The following CAMK1D variants were observed in gnomAD, a reference collection of about 807,000 sequenced individuals.
CAMK1D encodes the protein calcium/calmodulin-dependent protein kinase type 1D.
In CAMK1D, 9 loss-of-function variants were observed where a neutral mutation model predicts 47.7. That is an observed-to-expected ratio of 0.19 (90% confidence interval 0.11 to 0.33). The LOEUF is 0.33. CAMK1D is among the 10% of genes least tolerant of loss of function. The probability of loss-of-function intolerance (pLI) is 1.00; values close to 1 mark genes in which losing one functional copy is unlikely to be tolerated. For synonymous variants in CAMK1D, 184 were observed against 184.9 expected, an observed-to-expected ratio of 0.99 and a Z score of 0.04; for missense variants, 291 against 488.7, an observed-to-expected ratio of 0.60 and a Z score of 3.81.
chr10:12,416,664 A>G (rs1174206504), intron 1 of CAMK1D, among the ~76,000 whole-genome samples: 4 of 152,168 alleles, frequency 2.6e-5, no homozygotes, highest in Non-Finnish European at 4.4e-5. Context: ...GGTCTTGCTG[A>G]GCACCGGAGG....
intron 10 of CAMK1D, among the ~76,000 whole-genome samples, chr10:12,827,714 T>G (rs1390823736): frequency 5.4e-5 from 8 of 147,504 alleles, no homozygotes. Flanking sequence ...TCTCTCTTTC[T>G]CTCACTCTCT....
At chr10:12,581,594 A>G (rs1275391006) in intron 2 of CAMK1D, among the ~76,000 whole-genome samples, 4 of 152,244 alleles carry the variant, frequency 2.6e-5, no homozygotes, top group African/African-American at 4.8e-5. Context: ...GCAGGAGTGA[A>G]GTGGTATCAC....
Position 12,490,727 on chromosome 10 carries a change from C to T in CAMK1D, c.93-62498C>T, listed in dbSNP as rs189921699. ...AGGTGTGGTGGCACATGCCTGTAAT[C>T]GCAGCTACTCAGGAGGCTGAGGCAG... On this transcript the variant is annotated intron_variant, in intron 1 of 10. Coordinates refer to ENST00000619168, the MANE Select transcript of CAMK1D (RefSeq NM_153498.4). Among the ~76,000 whole-genome samples, 178 of 152,194 alleles carry T rather than the reference C, an allele frequency of 1.2e-3. 1 individual carries two copies. The Middle Eastern group carries it at 0.024, about 20-fold the overall frequency.
intron 2 of CAMK1D, among the ~76,000 whole-genome samples, chr10:12,647,607 G>A (rs181291377): frequency 8.5e-5 from 13 of 152,244 alleles, no homozygotes; most frequent in Middle Eastern, 3.4e-3. Flanking sequence ...TCAGTTGGGC[G>A]GGAATTGTTC....
intron 1 of CAMK1D, among the ~76,000 whole-genome samples, chr10:12,421,508 A>ATTT (rs1840048010): frequency 1.9e-5 from 1 of 53,778 alleles, no homozygotes; most frequent in Non-Finnish European, 3.9e-5. Context: ...TTTATCCAGG[A>ATTT]TTCTTTTTTT....
intron 3 of CAMK1D, among the ~76,000 whole-genome samples, chr10:12,694,414 A>G (rs1456701925): frequency 1.3e-4 from 11 of 83,286 alleles, no homozygotes; most frequent in Non-Finnish European, 1.8e-4. Flanking sequence ...ATAAAATATA[A>G]AATATATATG....
In CAMK1D at chr10:12,357,208, G is replaced by T. The variant is rs60569032; in HGVS notation, c.92+7298G>T. Reference sequence around the variant, plus strand: ...ATTTTCTGAGACAGAGTCTTGCTCTGTCGCCCAGGCTGGAGCGCAGTGGTC... The same window carrying T: ...ATTTTCTGAGACAGAGTCTTGCTCTTTCGCCCAGGCTGGAGCGCAGTGGTC... On this transcript the variant is annotated intron_variant, in intron 1 of 10. Transcript: ENST00000619168. 1.4e-4 allele frequency among the ~76,000 whole-genome samples: 21 copies of T among 152,158 alleles called. No homozygotes were observed. In the East Asian group the frequency reaches 2.7e-3, roughly 20 times the overall value.
chr10:12,738,477 A>T (rs1422649366), intron 3 of CAMK1D, among the ~76,000 whole-genome samples: 14 of 152,246 alleles, frequency 9.2e-5, no homozygotes, highest in Admixed American at 8.5e-4. Flanking sequence ...ATTTATGCCA[A>T]CTTGATCTGT....
intron 1 of CAMK1D, among the ~76,000 whole-genome samples, chr10:12,468,329 T>G (rs1307517952): frequency 6.6e-6 from 1 of 152,260 alleles, no homozygotes; most frequent in East Asian, 1.9e-4. Context: ...CCCAAAGTTC[T>G]GGCATTACAG....
intron 3 of CAMK1D, among the ~76,000 whole-genome samples, chr10:12,711,860 A>G (rs1394754742): frequency 6.6e-6 from 1 of 152,238 alleles, no homozygotes; most frequent in Non-Finnish European, 1.5e-5. Context: ...TATGCCATGA[A>G]AAATAACTTG....
intron 3 of CAMK1D, among the ~76,000 whole-genome samples, chr10:12,691,398 TATATAAATATATATATA>T (rs1832908084): frequency 1.4e-4 from 1 of 7,240 alleles, no homozygotes; most frequent in Non-Finnish European, 2.7e-4. Flanking sequence ...TATATATATA[TATATAAATATATATATA>T]TATATATTTT....
intron 8 of CAMK1D, among the ~76,000 whole-genome samples, chr10:12,817,069 C>T (rs2431629): frequency 0.35 from 53,257 of 151,734 alleles, 10,182 homozygotes; most frequent in East Asian, 0.58. Context: ...CACTCCTCTA[C>T]AAAATCATCA....
At chr10:12,478,908 G>T (rs1286306335) in intron 1 of CAMK1D, among the ~76,000 whole-genome samples, 1 of 152,234 alleles carries the variant, frequency 6.6e-6, no homozygotes, top group African/African-American at 2.4e-5. Context: ...CATCGCCACA[G>T]CGTCCTGAGC....
chr10:12,796,834 C>T (rs907380684), intron 6 of CAMK1D, among the ~76,000 whole-genome samples: 3 of 152,114 alleles, frequency 2.0e-5, no homozygotes, highest in Non-Finnish European at 4.4e-5. Flanking sequence ...TTAGTTTGAT[C>T]TGTTTATTCA....
intron 5 of CAMK1D, among the ~76,000 whole-genome samples, chr10:12,774,471 C>T (rs143603555): frequency 4.2e-4 from 64 of 152,164 alleles, no homozygotes; most frequent in Non-Finnish European, 7.2e-4. Flanking sequence ...GAGAGACAGT[C>T]GGAGAAGTCC....
intron 3 of CAMK1D, among the ~76,000 whole-genome samples, chr10:12,684,990 G>T (rs909308723): frequency 6.6e-6 from 1 of 152,212 alleles, no homozygotes; most frequent in Admixed American, 6.5e-5. Context: ...CTAGAGTTAA[G>T]CCTTGTTTTC....
chr10:12,549,917 G>A (rs6602595), intron 1 of CAMK1D, among the ~76,000 whole-genome samples: 81,257 of 152,032 alleles, frequency 0.53, 22,227 homozygotes, highest in Non-Finnish European at 0.61. Context: ...CGGCAACCTC[G>A]CTTCTCACTG....
At chr10:12,777,548 AT>A (rs998260452) in intron 5 of CAMK1D, among the ~76,000 whole-genome samples, 6 of 151,426 alleles carry the variant, frequency 4.0e-5, no homozygotes, top group African/African-American at 1.2e-4. Context: ...CTAATTTTAT[AT>A]TTTTATTAGA....
intron 1 of CAMK1D, among the ~76,000 whole-genome samples, chr10:12,433,590 G>C (rs538885732): frequency 1.3e-5 from 2 of 152,250 alleles, no homozygotes; most frequent in South Asian, 4.1e-4. Flanking sequence ...CTCATGTAAG[G>C]GGTCTGGAGC....
Sources: gnomAD v4.1 joint callset for allele counts (sites outside exome capture counted in the v4.1 genomes callset) on GRCh38, gnomAD v4.1.1 for gene constraint, MANE v1.5 for transcripts, NCBI Gene and HGNC (gene_info 2026-07-23, HGNC 2026-07-21) for gene names.